Variants in BICC1 observed in about 807,000 individuals in gnomAD.
BICC1 encodes the protein BicC family RNA binding protein 1, also known as protein bicaudal C homolog 1.
Under a neutral mutation model 111.0 loss-of-function variants are expected in BICC1, and 43 were observed. The ratio of observed to expected loss-of-function variants is 0.39; its 90% confidence interval spans 0.30 to 0.50. BICC1 has a LOEUF of 0.50. BICC1 is among the 20% of genes least tolerant of loss of function. BICC1 has a pLI of 0.88. For missense variants in BICC1, 1,091 were observed against 1,203.2 expected, an observed-to-expected ratio of 0.91 and a Z score of 1.38; for synonymous variants, 467 against 434.4, an observed-to-expected ratio of 1.07 and a Z score of -0.93.
At chr10:58,518,151 G>A (rs754375656) in intron 1 of BICC1, among the ~76,000 whole-genome samples, 22 of 152,046 alleles carry the variant, frequency 1.4e-4, no homozygotes, top group Non-Finnish European at 2.6e-4. Context: ...AATTGTTCTT[G>A]CTTTGAGTAT....
At chr10:58,731,874 A>G (rs1240428930) in intron 3 of BICC1, among the ~76,000 whole-genome samples, 1 of 152,240 alleles carries the variant, frequency 6.6e-6, no homozygotes, top group Non-Finnish European at 1.5e-5. Flanking sequence ...ATCACCTCCC[A>G]CCAGGCCTTA....
chr10:58,800,765 A>T, intron 13 of BICC1, 125 bp from the exon 14 acceptor site: 1 of 913,714 alleles, frequency 1.1e-6, no homozygotes, highest in Non-Finnish European at 1.6e-6. Context: ...CAGATGGAAG[A>T]GGTCTCTGTC....
intron 1 of BICC1, among the ~76,000 whole-genome samples, chr10:58,573,546 T>C (rs1048748496): frequency 6.6e-6 from 1 of 152,124 alleles, no homozygotes; most frequent in African/African-American, 2.4e-5. Context: ...AAGAGTGTAA[T>C]AGATGGCAAG....
At chr10:58,697,435 T>C (rs2132433493) in intron 2 of BICC1, among the ~76,000 whole-genome samples, 1 of 152,308 alleles carries the variant, frequency 6.6e-6, no homozygotes, top group South Asian at 2.1e-4. Flanking sequence ...TTTGTGAAGG[T>C]GCAAATAGGG....
At chr10:58,530,434 T>C (rs1842650666) in intron 1 of BICC1, among the ~76,000 whole-genome samples, 2 of 151,806 alleles carry the variant, frequency 1.3e-5, no homozygotes, top group African/African-American at 4.8e-5. Flanking sequence ...AAGGGTTGCC[T>C]TCTGGGGCCT....
rs867356563 is a variant in BICC1, at chr10:58,829,132, A to G, written c.*241A>G. The G allele has an allele frequency of 3.0e-5, 11 of 367,602 alleles. No homozygotes were observed. Among genetic ancestry groups the G allele is most frequent in the Middle Eastern group, 7.4e-4 (1 of 1,358 alleles). The allele number at this position is 367,602 out of a possible 1,614,324, so 22.8% of individuals were successfully genotyped here. A position where few individuals can be genotyped will look rare whatever the true frequency, so the allele number is the denominator to read the frequency against. Reference sequence around the variant, plus strand: ...AAATGGCAGTTGGACAGAATTTGCAATATAAGGATAGGGCTTTATTTCCTG... The same window carrying G: ...AAATGGCAGTTGGACAGAATTTGCAGTATAAGGATAGGGCTTTATTTCCTG... On this transcript the variant is annotated 3_prime_UTR_variant, in exon 21 of 21. Coordinates refer to ENST00000373886, the MANE Select transcript of BICC1 (RefSeq NM_001080512.3).
chr10:58,701,996 C>A, intron 2 of BICC1, 78 bp from the exon 3 acceptor site: 5 of 1,087,090 alleles, frequency 4.6e-6, no homozygotes, highest in Admixed American at 2.2e-5. Flanking sequence ...TGAAAATAAA[C>A]TTTTTTGTGT....
At chr10:58,806,968 A>G (rs561129481) in intron 16 of BICC1, 36 bp from the exon 17 acceptor site, 15 of 1,586,454 alleles carry the variant, frequency 9.5e-6, no homozygotes, top group Non-Finnish European at 1.3e-5. Flanking sequence ...AAATGCATTA[A>G]ACATACCAAG....
intron 2 of BICC1, among the ~76,000 whole-genome samples, chr10:58,665,021 C>T (rs1838965476): frequency 6.6e-6 from 1 of 152,098 alleles, no homozygotes; most frequent in Non-Finnish European, 1.5e-5. Context: ...CTACCTTTGG[C>T]TTTCTGCCAG....
At chr10:58,642,848 G>A (rs7072708) in intron 2 of BICC1, among the ~76,000 whole-genome samples, 149,867 of 152,106 alleles carry the variant, frequency 0.99, 73,865 homozygotes, top group East Asian at 1. Flanking sequence ...GGGACTACAT[G>A]TGTGTGCAAC....
At chr10:58,686,980 C>A (rs759715240) in intron 2 of BICC1, among the ~76,000 whole-genome samples, 1 of 152,166 alleles carries the variant, frequency 6.6e-6, no homozygotes, top group Non-Finnish European at 1.5e-5. Flanking sequence ...CTTTTCTGCT[C>A]GGGTTTCTCC....
intron 2 of BICC1, among the ~76,000 whole-genome samples, chr10:58,689,583 A>T (rs1182211957): frequency 1.3e-5 from 2 of 152,236 alleles, no homozygotes; most frequent in Non-Finnish European, 2.9e-5. Flanking sequence ...TTTAAAGGAA[A>T]AAAGCAAGAG....
chr10:58,532,816 G>A (rs1166775756), intron 1 of BICC1, among the ~76,000 whole-genome samples: 3 of 151,812 alleles, frequency 2.0e-5, no homozygotes, highest in African/African-American at 7.3e-5. Flanking sequence ...AGAGCTTTCA[G>A]TGAAAAATTC....
intron 3 of BICC1, among the ~76,000 whole-genome samples, chr10:58,779,456 T>G (rs887046964): frequency 6.6e-6 from 1 of 152,236 alleles, no homozygotes; most frequent in African/African-American, 2.4e-5. Context: ...TTAGGCTAGT[T>G]TAAGCTTCTT....
At chr10:58,745,608 C>G (rs978182050) in intron 3 of BICC1, among the ~76,000 whole-genome samples, 8 of 128,748 alleles carry the variant, frequency 6.2e-5, no homozygotes, top group African/African-American at 1.7e-4. Context: ...CACCGCCCCC[C>G]CCCCACATTT....
chr10:58,745,751 ATAACTTTTTATTTTGAGATCAGC>A (rs1401145451), intron 3 of BICC1, among the ~76,000 whole-genome samples: 2 of 152,024 alleles, frequency 1.3e-5, no homozygotes, highest in Non-Finnish European at 2.9e-5. Flanking sequence ...TAACAATTAG[ATAACTTTTTATTTTGAGATCAGC>A]TAACTTTTTA....
At chr10:58,521,949 G>A (rs996425349) in intron 1 of BICC1, among the ~76,000 whole-genome samples, 8 of 151,810 alleles carry the variant, frequency 5.3e-5, no homozygotes, top group Admixed American at 3.3e-4. Context: ...AACATTGCAA[G>A]GTGGTTAGAG....
chr10:58,534,566 G>A (rs1470638930), intron 1 of BICC1, among the ~76,000 whole-genome samples: 3 of 150,996 alleles, frequency 2.0e-5, no homozygotes, highest in Non-Finnish European at 3.0e-5. Flanking sequence ...TACCCTCAAG[G>A]GGAATAAAAG....
chr10:58,533,876 A>G (rs1405076782), intron 1 of BICC1, among the ~76,000 whole-genome samples: 1 of 151,870 alleles, frequency 6.6e-6, no homozygotes, highest in Non-Finnish European at 1.5e-5. Flanking sequence ...CAAAATTACT[A>G]CTAGCCATAC....
Sources: gnomAD v4.1 joint callset for allele counts (sites outside exome capture counted in the v4.1 genomes callset) on GRCh38, gnomAD v4.1.1 for gene constraint, MANE v1.5 for transcripts, NCBI Gene and HGNC (gene_info 2026-07-23, HGNC 2026-07-21) for gene names.